LRP2: variants seen among roughly 807,000 people sequenced by gnomAD.
The protein encoded by LRP2 is low-density lipoprotein receptor-related protein 2.
In LRP2, 172 loss-of-function variants were observed where a neutral mutation model predicts 531.0. The ratio of observed to expected loss-of-function variants is 0.32; its 90% CI spans 0.29 to 0.37. LRP2 has a LOEUF of 0.37. Among genes scored for constraint, LRP2 ranks in the 10% least tolerant of loss-of-function variants. The probability of loss-of-function intolerance (pLI) is 1.00; values close to 1 mark genes in which losing one functional copy is unlikely to be tolerated. For missense variants in LRP2, 5,167 were observed against 5,868.3 expected (o/e 0.88, Z 3.90); for synonymous variants, 1,992 against 2,027.6 (o/e 0.98, Z 0.47).
At chr2:169,338,388 GAAAGAAAGAAAGAAAGAAAGA>G (rs1356900882) in intron 1 of LRP2, among the ~76,000 whole-genome samples, 3 of 122,108 alleles carry the variant, frequency 2.5e-5, no homozygotes, top group African/African-American at 9.7e-5. Context: ...AAGAAAGAAA[GAAAGAAAGAAAGAAAGAAAGA>G]AAAGAAAAGA....
intron 1 of LRP2, among the ~76,000 whole-genome samples, chr2:169,349,144 G>T (rs1322232923): frequency 2.6e-5 from 4 of 152,158 alleles, no homozygotes; most frequent in African/African-American, 9.7e-5. Flanking sequence ...AAGATAATAA[G>T]TAAGGAAATA....
intron 51 of LRP2, 125 bp from the exon 52 acceptor site, chr2:169,181,743 CTTTTCTGCAT>C (rs769824087): frequency 0.03 from 2,182 of 72,128 alleles, 38 homozygotes; most frequent in Middle Eastern, 0.017. Flanking sequence ...ATTCTGAATT[CTTTTCTGCAT>C]TCAGAAAAGA....
chr2:169,139,421 C>T, intron 73 of LRP2, 50 bp from the exon 74 acceptor site: 1 of 1,614,120 alleles, frequency 6.2e-7, no homozygotes, highest in Non-Finnish European at 8.5e-7. Context: ...AGCCCGCAAT[C>T]CTGGCAGAAA....
chr2:169,229,357 CA>C (rs1024588690), intron 31 of LRP2, among the ~76,000 whole-genome samples: 2 of 152,168 alleles, frequency 1.3e-5, no homozygotes, highest in Non-Finnish European at 2.9e-5. Flanking sequence ...AATTGAACGA[CA>C]ATATATATGA....
At chr2:169,263,093 T>A (rs1386016585) in intron 16 of LRP2, among the ~76,000 whole-genome samples, 1 of 152,154 alleles carries the variant, frequency 6.6e-6, no homozygotes, top group Non-Finnish European at 1.5e-5. Context: ...CAAATATCAA[T>A]TCAAGATGGC....
At chr2:169,176,270 A>T in intron 54 of LRP2, 141 bp downstream of exon 54, 1 of 865,410 alleles carries the variant, frequency 1.2e-6, no homozygotes, top group Non-Finnish European at 1.9e-6. Context: ...GGAGGCTGAG[A>T]GTCTTGCTGT....
intron 63 of LRP2, among the ~76,000 whole-genome samples, chr2:169,158,061 T>TACACACACACACAC (rs61381788): frequency 0.014 from 1,963 of 141,376 alleles, 54 homozygotes; most frequent in African/African-American, 0.048. Flanking sequence ...ATTGATTATA[T>TACACACACACACAC]ACACACACAC....
At chr2:169,193,913 C>A in intron 46 of LRP2, 21 bp from the exon 47 acceptor site, 1 of 1,613,994 alleles carries the variant, frequency 6.2e-7, no homozygotes, top group Non-Finnish European at 8.5e-7. Flanking sequence ...CAATAGCATT[C>A]TCAGTGAAAA....
intron 19 of LRP2, 87 bp from the exon 20 acceptor site, chr2:169,247,602 G>T (rs1412437778): frequency 2.1e-6 from 3 of 1,423,680 alleles, no homozygotes; most frequent in Non-Finnish European, 3.0e-6. Context: ...GGCTTGAAAT[G>T]CTTCTTGCAA....
rs779350969 is a variant in LRP2, at chr2:169,204,315, GAGTTA to G, written c.7716-49_7716-45del. On this transcript the variant is annotated intron_variant, in intron 41 of 78. Transcript: ENST00000649046. ...AAATTTAGAAGTTGAAATCTCAAGT[GAGTTA>G]AGTTTTCAACTGGCAGCCCAATGCA... 1.8e-5 allele frequency: 28 copies of G among 1,589,148 alleles called. 1 individual carries two copies. The South Asian group carries it at 3.1e-4, about 18-fold the overall frequency.
chr2:169,200,494 C>A (rs1381097808), intron 44 of LRP2, among the ~76,000 whole-genome samples: 1 of 152,062 alleles, frequency 6.6e-6, no homozygotes, highest in Non-Finnish European at 1.5e-5. Flanking sequence ...ACAGAAAATT[C>A]AAGTTAAGGA....
intron 31 of LRP2, among the ~76,000 whole-genome samples, chr2:169,228,480 A>G (rs1169012528): frequency 6.6e-6 from 1 of 152,140 alleles, no homozygotes; most frequent in African/African-American, 2.4e-5. Flanking sequence ...TCACTTACGT[A>G]AGATCTGATC....
intron 1 of LRP2, among the ~76,000 whole-genome samples, chr2:169,346,685 A>T (rs890067942): frequency 2.6e-5 from 4 of 152,162 alleles, no homozygotes; most frequent in East Asian, 1.9e-4. Flanking sequence ...AAATTTTTTT[A>T]AAAATAGAAA....
At chr2:169,265,328 C>T (rs1690756087) in intron 16 of LRP2, among the ~76,000 whole-genome samples, 1 of 152,042 alleles carries the variant, frequency 6.6e-6, no homozygotes, top group Middle Eastern at 3.2e-3. Context: ...ACCTTCCTGC[C>T]TGAAGCTCAC....
At chr2:169,354,077 T>C (rs1326473816) in intron 1 of LRP2, among the ~76,000 whole-genome samples, 1 of 152,150 alleles carries the variant, frequency 6.6e-6, no homozygotes, top group East Asian at 1.9e-4. Flanking sequence ...GTTAATGACA[T>C]AAAAACCAAA....
At position 169,162,558 on chromosome 2, in the gene LRP2, T is replaced by C. The variant is rs376702967; in HGVS notation, c.11801A>G (p.Lys3934Arg). The change falls in exon 63 of 79, where the codon AAG becomes AGG. Residue 3934 changes from lysine (K) to arginine (R), a missense_variant. Physicochemically the swap from Lys to Arg is conservative, Grantham distance 26 (BLOSUM62 2). Transcript: ENST00000649046. Reference sequence around the variant, plus strand: ...TGGAATGCAATGCCCATTGCCACACTTATATTCATATTCTGTACAAGGTTT... The same window carrying C: ...TGGAATGCAATGCCCATTGCCACACCTATATTCATATTCTGTACAAGGTTT... ...TPKPCTEYEY[K>R]CGNGHCIPHD... The C allele has an allele frequency of 1.9e-6, 3 of 1,614,174 alleles. No homozygotes were observed. The highest frequency in any genetic ancestry group is 1.1e-5 in the South Asian group (1 of 91,086).
intron 15 of LRP2, chr2:169,271,786 T>A: frequency 1.9e-6 from 1 of 526,066 alleles, no homozygotes; most frequent in Non-Finnish European, 2.4e-6. Flanking sequence ...AACCTTACAG[T>A]AGATACCAAG....
chr2:169,143,199 C>G (rs1685786610), intron 70 of LRP2, among the ~76,000 whole-genome samples: 1 of 152,208 alleles, frequency 6.6e-6, no homozygotes, highest in African/African-American at 2.4e-5. Flanking sequence ...CTGGACAGAT[C>G]ATAACATATG....
intron 1 of LRP2, among the ~76,000 whole-genome samples, chr2:169,354,920 C>G (rs1332358337): frequency 2.0e-5 from 3 of 152,190 alleles, no homozygotes; most frequent in Admixed American, 2.0e-4. Context: ...TCTACCCCAT[C>G]CTTATAGCAA....
Sources: allele counts gnomAD v4.1 joint callset (sites outside exome capture counted in the v4.1 genomes callset), GRCh38; gene constraint gnomAD v4.1.1; transcripts MANE v1.5; gene names NCBI Gene and HGNC (gene_info 2026-07-23, HGNC 2026-07-21).